SLC6A17: variants seen among roughly 807,000 people sequenced by gnomAD.
SLC6A17 encodes solute carrier family 6 member 17.
A neutral mutation model predicts 64.5 loss-of-function variants in SLC6A17; 21 were observed. The observed-to-expected ratio is 0.33, with a 90% CI of 0.23 to 0.47. The LOEUF (loss-of-function observed/expected upper bound fraction) is 0.47, where lower values mean the gene tolerates loss of function less well. SLC6A17 is among the 20% of genes least tolerant of loss of function. The pLI is 1.00. For missense variants in SLC6A17, 682 were observed against 963.2 expected (o/e 0.71, Z 3.86); for synonymous variants, 372 against 399.5 (o/e 0.93, Z 0.82).
In SLC6A17 at chr1:110,167,272, G is replaced by A. The variant is rs75566202; in HGVS notation, c.286+57G>A. On this transcript the variant is annotated intron_variant, in intron 2 of 11. Transcript: ENST00000331565. Reference sequence around the variant, plus strand: ...CCCTGCAAATAGGCCGGGGATGAGGGGTAAAAAAGAACACCCCTTTGCTGA... The same window carrying A: ...CCCTGCAAATAGGCCGGGGATGAGGAGTAAAAAAGAACACCCCTTTGCTGA... The A allele has an allele frequency of 1.4e-3, 2,234 of 1,552,886 alleles. 24 individuals are homozygous for A. In the African/African-American group the frequency reaches 0.024, roughly 17 times the overall value.
chr1:110,182,621 CAG>C lies in SLC6A17; in HGVS notation c.864+5892_864+5893del, dbSNP rs34967450. ...TGGCGGGGAGGTCGAAGAATAGGAG[CAG>C]AGAGAGAGACAGGCAGGCCGACAGA... On this transcript the variant is annotated intron_variant, in intron 6 of 11. Transcript: ENST00000331565. Among the ~76,000 whole-genome samples the C allele has an allele frequency of 5.3e-5, 8 of 150,272 alleles. No homozygotes were observed. The South Asian group carries it at 8.5e-4, about 16-fold the overall frequency.
chr1:110,157,077 T>G (rs1310509639), intron 1 of SLC6A17, among the ~76,000 whole-genome samples: 2 of 152,168 alleles, frequency 1.3e-5, no homozygotes, highest in African/African-American at 2.4e-5. Context: ...GTTTGTAAAA[T>G]TTTTCTTTTT....
At position 110,174,510 on chromosome 1, in the gene SLC6A17, C is replaced by T. The variant is rs1246111796; in HGVS notation, c.572-269C>T. On this transcript the variant is annotated intron_variant, in intron 4 of 11. Coordinates refer to ENST00000331565, the MANE Select transcript of SLC6A17 (RefSeq NM_001010898.4). ...TTTAGGCCAATTCAGCCTCACGTTT[C>T]CTCCCTTCCATAGAGAGACATGGGC... Among the ~76,000 whole-genome samples the T allele has an allele frequency of 6.6e-5, 10 of 152,316 alleles. No homozygotes were observed. In the South Asian group the frequency reaches 2.1e-3, roughly 32 times the overall value.
In SLC6A17 at chr1:110,166,826, C is replaced by A; in HGVS notation, c.-87-17C>A. The stretch of plus-strand genomic sequence containing the variant: ...GGTGTGGTCAGATAATCCTTTACTG[C>A]TCACCTGGTTTCCTAGGTCCCTGAA... On this transcript the variant is annotated splice_polypyrimidine_tract_variant and intron_variant, in intron 1 of 11. Transcript: ENST00000331565. The A allele has an allele frequency of 7.0e-7, 1 of 1,419,310 alleles. No individual in the cohort carries two copies. 87.9% of individuals were successfully genotyped at this position (1,419,310 alleles called of 1,614,324 possible).
rs115911657 is a variant in SLC6A17, at chr1:110,197,360, G to A, written c.1653-77G>A. 3.1e-3 allele frequency: 4,718 copies of A among 1,529,422 alleles called. 116 individuals are homozygous for A. The African/African-American group carries it at 0.058, about 19-fold the overall frequency. The allele number at this position is 1,529,422 out of a possible 1,614,324, so 94.7% of individuals were successfully genotyped here. ...AGGGACTGGGAAACGAAGACTTTCT[G>A]GAGGAGATGGTGATGGGGGAAGAGG... On this transcript the variant is annotated intron_variant, in intron 10 of 11. Coordinates refer to ENST00000331565, the MANE Select transcript of SLC6A17 (RefSeq NM_001010898.4).
chr1:110,187,493 T>TA (rs1229527009), intron 6 of SLC6A17, among the ~76,000 whole-genome samples: 3 of 152,242 alleles, frequency 2.0e-5, no homozygotes, highest in African/African-American at 7.2e-5. Context: ...CTCCACTTCT[T>TA]ACAGTTCATG....
At chr1:110,172,768 G>A (rs1656275047) in intron 3 of SLC6A17, among the ~76,000 whole-genome samples, 1 of 152,324 alleles carries the variant, frequency 6.6e-6, no homozygotes, top group East Asian at 1.9e-4. Flanking sequence ...GAGAGACAGG[G>A]AGACGCCAGT....
intron 10 of SLC6A17, among the ~76,000 whole-genome samples, chr1:110,195,948 G>A (rs1019675862): frequency 2.0e-5 from 3 of 152,220 alleles, no homozygotes; most frequent in Admixed American, 6.5e-5. Flanking sequence ...AGGACTGGGT[G>A]TCCTGGGTGC....
intron 1 of SLC6A17, among the ~76,000 whole-genome samples, chr1:110,155,401 T>C (rs1190112409): frequency 6.6e-6 from 1 of 152,218 alleles, no homozygotes; most frequent in African/African-American, 2.4e-5. Context: ...TCAGATGCAA[T>C]ATGAATTACT....
chr1:110,179,540 C>CCTCCG (rs1322947053), intron 6 of SLC6A17, among the ~76,000 whole-genome samples: 2 of 137,508 alleles, frequency 1.5e-5, no homozygotes, highest in African/African-American at 2.7e-5. Context: ...CCTCCCCTCC[C>CCTCCG]CTCCCCTCCC....
chr1:110,165,210 G>A (rs776420560), intron 1 of SLC6A17, among the ~76,000 whole-genome samples: 5 of 152,098 alleles, frequency 3.3e-5, no homozygotes, highest in African/African-American at 7.3e-5. Context: ...TCTCCGTTGC[G>A]TAACTCCTAG....
chr1:110,186,200 T>G (rs1318433876), intron 6 of SLC6A17, among the ~76,000 whole-genome samples: 1 of 152,190 alleles, frequency 6.6e-6, no homozygotes, highest in Non-Finnish European at 1.5e-5. Flanking sequence ...CTCCAAGCTA[T>G]ATAGGGCCAG....
intron 10 of SLC6A17, 147 bp downstream of exon 10, chr1:110,195,892 A>G: frequency 8.3e-7 from 1 of 1,197,876 alleles, no homozygotes; most frequent in Non-Finnish European, 1.2e-6. Context: ...GTGCAAGGAC[A>G]TGGCTGCCTA....
chr1:110,174,222 C>A, intron 4 of SLC6A17, 123 bp downstream of exon 4: 1 of 1,337,976 alleles, frequency 7.5e-7, no homozygotes, highest in Non-Finnish European at 1.0e-6. Flanking sequence ...CACTTAACAT[C>A]TCTGATCCTC....
rs114874514 is a variant in SLC6A17 at position 110,182,300 on chromosome 1, G to T, written c.864+5561G>T. Reference sequence around the variant, plus strand: ...GGATGGAATTGACATTCATGGAGATGGGGAAGACAGTGGAGGGAACAGATT... The same window carrying T: ...GGATGGAATTGACATTCATGGAGATTGGGAAGACAGTGGAGGGAACAGATT... On this transcript the variant is annotated intron_variant, in intron 6 of 11. Transcript: ENST00000331565. 3.2e-3 allele frequency among the ~76,000 whole-genome samples: 494 copies of T among 152,320 alleles called. 3 individuals carry two copies. Among genetic ancestry groups the T allele is most frequent in the African/African-American group, 0.011 (470 of 41,570 alleles).
intron 6 of SLC6A17, among the ~76,000 whole-genome samples, chr1:110,189,407 G>A (rs577402366): frequency 3.9e-5 from 6 of 152,062 alleles, no homozygotes; most frequent in Middle Eastern, 6.8e-3. Context: ...AGTCCATCCC[G>A]AAGGTCTCCT....
At position 110,195,739 on chromosome 1, in the gene SLC6A17, C is replaced by A. The variant is rs1214565599; in HGVS notation, c.1646C>A (p.Thr549Asn). 2 of 1,613,946 alleles carry A rather than the reference C, an allele frequency of 1.2e-6. No individual in the cohort carries two copies. The highest frequency in any genetic ancestry group is 1.7e-6 in the Non-Finnish European group (2 of 1,179,992). ...ATCGCTGTGGCCTGGATTTATGGAA[C>A]CAAGAAGTAAGAGGAACATGGGGGA... Reference protein sequence around the residue: ...ENIAVAWIYGTKKFMQELTEM... With the variant: ...ENIAVAWIYGNKKFMQELTEM... The change falls in exon 10 of 12, where the codon ACC becomes AAC. Residue 549 changes from threonine to asparagine, a missense_variant. By Grantham distance (65) the Thr-to-Asn change is moderately conservative. Around this residue, in one of 3 missense-constraint regions of SLC6A17, gnomAD observed 264 missense variants for 339.5 expected, o/e 0.78. Coordinates refer to ENST00000331565, the MANE Select transcript of SLC6A17 (RefSeq NM_001010898.4).
At chr1:110,170,356 C>T (rs374614863) in intron 2 of SLC6A17, among the ~76,000 whole-genome samples, 18 of 152,232 alleles carry the variant, frequency 1.2e-4, no homozygotes, top group African/African-American at 3.6e-4. Flanking sequence ...TGGTGGCGGG[C>T]GCCTGTAGAC....
At chr1:110,164,442 C>T (rs1655993700) in intron 1 of SLC6A17, among the ~76,000 whole-genome samples, 1 of 152,180 alleles carries the variant, frequency 6.6e-6, no homozygotes, top group East Asian at 1.9e-4. Flanking sequence ...TTGCTAGGGT[C>T]CCTCAAGCTT....
Sources: gnomAD v4.1 joint callset for allele counts (sites outside exome capture counted in the v4.1 genomes callset) on GRCh38, gnomAD v4.1.1 for gene constraint, gnomAD v4.1.1 regional missense constraint, MANE v1.5 for transcripts, NCBI Gene and HGNC (gene_info 2026-07-23, HGNC 2026-07-21) for gene names.